Variants in CSMD2 observed in about 807,000 individuals in gnomAD.
The protein encoded by CSMD2 is CUB and sushi domain-containing protein 2.
In CSMD2, 130 loss-of-function variants were observed where a neutral mutation model predicts 398.5. That is an observed-to-expected ratio of 0.33 (90% CI 0.28 to 0.38). The LOEUF is 0.38. Ranked by LOEUF, CSMD2 falls within the 10% of genes least tolerant of loss-of-function variation. CSMD2 has a pLI of 1.00. For missense variants in CSMD2, 3,829 were observed against 4,764.9 expected, an observed-to-expected ratio of 0.80 and a Z score of 5.78; for synonymous variants, 1,828 against 1,908.5, an observed-to-expected ratio of 0.96 and a Z score of 1.10.
At chr1:33,927,514 G>A (rs1352595044) in intron 4 of CSMD2, among the ~76,000 whole-genome samples, 2 of 151,956 alleles carry the variant, frequency 1.3e-5, no homozygotes, top group African/African-American at 2.4e-5. Context: ...AGGTATTATC[G>A]TGCACATTTT....
chr1:33,850,531 C>G (rs1474388310), intron 5 of CSMD2, among the ~76,000 whole-genome samples: 1 of 152,180 alleles, frequency 6.6e-6, no homozygotes, highest in Non-Finnish European at 1.5e-5. Context: ...GAATTCCATT[C>G]TGTTCCTCTT....
At chr1:34,026,628 G>T (rs1013729634) in intron 3 of CSMD2, among the ~76,000 whole-genome samples, 1 of 152,356 alleles carries the variant, frequency 6.6e-6, no homozygotes, top group African/African-American at 2.4e-5. Context: ...AACCTGCAGA[G>T]ACTCTTCCCT....
At chr1:34,142,840 C>G (rs568754589) in intron 1 of CSMD2, among the ~76,000 whole-genome samples, 2 of 152,162 alleles carry the variant, frequency 1.3e-5, no homozygotes, top group East Asian at 3.9e-4. Context: ...GGCACAGAGG[C>G]TCATGGTAGG....
At chr1:33,970,589 G>A (rs150811714) in intron 3 of CSMD2, among the ~76,000 whole-genome samples, 1 of 152,284 alleles carries the variant, frequency 6.6e-6, no homozygotes, top group African/African-American at 2.4e-5. Flanking sequence ...CACTCAACAG[G>A]GCAGCTCTCC....
chr1:34,055,042 A>G (rs1056099090), intron 2 of CSMD2, among the ~76,000 whole-genome samples: 4 of 152,218 alleles, frequency 2.6e-5, no homozygotes, highest in Non-Finnish European at 5.9e-5. Flanking sequence ...CACTGTAAAC[A>G]TAGTTGGAGC....
chr1:33,831,957 G>C (rs551254825), intron 6 of CSMD2, among the ~76,000 whole-genome samples: 2 of 151,746 alleles, frequency 1.3e-5, no homozygotes, highest in East Asian at 1.9e-4. Context: ...AACAAGAAGA[G>C]CTAACTATCT....
Position 33,956,256 on chromosome 1 carries a change from T to C in CSMD2, c.518-20302A>G, listed in dbSNP as rs572025941. Among the ~76,000 whole-genome samples the C allele has an allele frequency of 6.0e-5, 9 of 151,020 alleles. No homozygotes were observed. In the South Asian group the frequency reaches 1.7e-3, roughly 28 times the overall value. ...CATTGTTGTGTAACCATCACCACTA[T>C]CCATCCACAAAACTGTTTTCATCTT... On this transcript the variant is annotated intron_variant, in intron 3 of 70. Transcript: ENST00000373381.
At chr1:34,159,161 C>G (rs1310275214) in intron 1 of CSMD2, among the ~76,000 whole-genome samples, 2 of 152,222 alleles carry the variant, frequency 1.3e-5, no homozygotes, top group African/African-American at 4.8e-5. Flanking sequence ...CCTCAGTTCA[C>G]AGTCCTTTAG....
intron 1 of CSMD2, among the ~76,000 whole-genome samples, chr1:34,089,765 A>G (rs1395442408): frequency 6.6e-6 from 1 of 152,096 alleles, no homozygotes; most frequent in Non-Finnish European, 1.5e-5. Flanking sequence ...CTCTTCAAGA[A>G]CAGTATACGT....
rs1557947698 is a variant in CSMD2, at chr1:33,820,582, A to AC, written c.1112-27_1112-26insG. On this transcript the variant is annotated intron_variant, in intron 7 of 70. Transcript: ENST00000373381. ...CTACAAGGCAAAAAAAAAAAAAAAA[A>AC]AAAAAACAGCACACACAGAGATGGA... is the stretch of plus-strand genomic sequence containing the variant. 24 of 1,160,060 alleles carry AC rather than the reference A, an allele frequency of 2.1e-5. No homozygotes were observed. In the East Asian group the frequency reaches 5.0e-4, roughly 24 times the overall value. 71.9% of individuals were successfully genotyped at this position (1,160,060 alleles called of 1,614,324 possible). A position where few individuals can be genotyped will look rare whatever the true frequency, so the allele number is the denominator to read the frequency against.
chr1:33,650,156 C>G (rs1277632136), intron 28 of CSMD2, among the ~76,000 whole-genome samples: 2 of 152,230 alleles, frequency 1.3e-5, no homozygotes, highest in South Asian at 2.1e-4. Context: ...CTTCCATCAT[C>G]AAATTTTGAG....
intron 41 of CSMD2, among the ~76,000 whole-genome samples, chr1:33,610,493 C>G (rs562188780): frequency 5.7e-4 from 87 of 151,368 alleles, no homozygotes; most frequent in Non-Finnish European, 1.1e-3. Flanking sequence ...CAGGGAATGT[C>G]CCAGAATGAG....
At chr1:33,565,210 C>G (rs953776473) in intron 53 of CSMD2, among the ~76,000 whole-genome samples, 1 of 152,144 alleles carries the variant, frequency 6.6e-6, no homozygotes, top group Admixed American at 6.5e-5. Flanking sequence ...GAAAATCCAT[C>G]TCATATATGA....
intron 1 of CSMD2, among the ~76,000 whole-genome samples, chr1:34,106,983 T>C (rs1660589410): frequency 6.6e-6 from 1 of 152,166 alleles, no homozygotes; most frequent in Admixed American, 6.5e-5. Flanking sequence ...TCAAGGGTTG[T>C]TTATTATTTT....
intron 41 of CSMD2, chr1:33,605,984 C>G (rs751661631): frequency 2.5e-6 from 4 of 1,611,950 alleles, no homozygotes; most frequent in South Asian, 1.1e-5. Flanking sequence ...GGGAGTAAGT[C>G]AAATCTGTGG....
intron 13 of CSMD2, among the ~76,000 whole-genome samples, chr1:33,752,065 T>G (rs1372679770): frequency 6.6e-6 from 1 of 152,218 alleles, no homozygotes; most frequent in Non-Finnish European, 1.5e-5. Context: ...ATAAGATTCA[T>G]GAAAAGGTGA....
intron 66 of CSMD2, among the ~76,000 whole-genome samples, chr1:33,524,321 G>A (rs141598303): frequency 5.3e-5 from 8 of 152,144 alleles, no homozygotes; most frequent in South Asian, 2.1e-4. Context: ...GACTCCCTCC[G>A]TATCTTCTTA....
intron 3 of CSMD2, among the ~76,000 whole-genome samples, chr1:33,939,506 A>T (rs1644596516): frequency 6.6e-6 from 1 of 152,136 alleles, no homozygotes; most frequent in Admixed American, 6.5e-5. Context: ...CTAACGTGTC[A>T]TTTTCCGCAA....
intron 3 of CSMD2, among the ~76,000 whole-genome samples, chr1:34,024,461 A>G (rs1649362808): frequency 1.3e-5 from 2 of 152,262 alleles, no homozygotes; most frequent in Admixed American, 1.3e-4. Context: ...AAATATTACT[A>G]TGCATGATGA....
Sources: allele counts gnomAD v4.1 joint callset (sites outside exome capture counted in the v4.1 genomes callset), GRCh38; gene constraint gnomAD v4.1.1; transcripts MANE v1.5; gene names NCBI Gene and HGNC (gene_info 2026-07-23, HGNC 2026-07-21).